Variants in TJP2 observed in about 807,000 individuals in gnomAD.
TJP2 encodes Friedreich ataxia region gene X104 (tight junction protein ZO-2).
TJP2 carries 91 observed loss-of-function variants against 133.1 expected under a neutral mutation model. The ratio of observed to expected loss-of-function variants is 0.68; its 90% CI spans 0.58 to 0.81. TJP2 has a LOEUF of 0.81. Ranked by LOEUF, TJP2 falls within the 40% of genes least tolerant of loss-of-function variation. The probability of loss-of-function intolerance (pLI) is 0.00; values close to 1 mark genes in which losing one functional copy is unlikely to be tolerated. For synonymous variants in TJP2, 592 were observed against 583.4 expected (o/e 1.01, Z -0.21); for missense variants, 1,541 against 1,565.6 (o/e 0.98, Z 0.26).
chr9:69,237,280 CAAG>C, intron 14 of TJP2, 144 bp downstream of exon 14: 1 of 1,015,452 alleles, frequency 9.8e-7, no homozygotes, highest in Non-Finnish European at 1.5e-6. Flanking sequence ...CAAATTCTAA[CAAG>C]GAGCATGATT....
At chr9:69,202,305 G>A (rs1034256739) in intron 1 of TJP2, among the ~76,000 whole-genome samples, 7 of 152,096 alleles carry the variant, frequency 4.6e-5, no homozygotes, top group African/African-American at 1.7e-4. Context: ...TCATGAGGTT[G>A]GAGCCCTCTT....
chr9:69,206,289 C>A (rs935773915), intron 1 of TJP2, among the ~76,000 whole-genome samples: 6 of 152,040 alleles, frequency 3.9e-5, no homozygotes, highest in African/African-American at 1.4e-4. Flanking sequence ...GCATACACCT[C>A]CCCCCACAAC....
At chr9:69,225,689 T>C (rs1829292245) in intron 6 of TJP2, among the ~76,000 whole-genome samples, 2 of 152,180 alleles carry the variant, frequency 1.3e-5, no homozygotes, top group South Asian at 4.1e-4. Context: ...TAAGGAAAGA[T>C]GAGAAGGAAA....
At chr9:69,177,072 T>C (rs1189362958) in intron 1 of TJP2, among the ~76,000 whole-genome samples, 1 of 152,206 alleles carries the variant, frequency 6.6e-6, no homozygotes, top group Non-Finnish European at 1.5e-5. Flanking sequence ...GCCTCATCTC[T>C]AGAACGAATC....
intron 9 of TJP2, 86 bp downstream of exon 9, chr9:69,228,200 T>A: frequency 6.6e-7 from 1 of 1,518,836 alleles, no homozygotes; most frequent in Non-Finnish European, 8.9e-7. Flanking sequence ...AATCATGTCC[T>A]TTGCAGCCAC....
At chr9:69,227,686 A>T in intron 7 of TJP2, 79 bp from the exon 8 acceptor site, 1 of 1,008,752 alleles carries the variant, frequency 9.9e-7, no homozygotes. Flanking sequence ...TTTCCTACCC[A>T]GAGAATAGTG....
chr9:69,141,230 G>C (rs1587895714), intron 1 of TJP2, among the ~76,000 whole-genome samples: 1 of 152,168 alleles, frequency 6.6e-6, no homozygotes, highest in African/African-American at 2.4e-5. Flanking sequence ...GTTTGGGAAG[G>C]GCAGTCAATT....
intron 17 of TJP2, among the ~76,000 whole-genome samples, chr9:69,244,499 G>A (rs1830792398): frequency 6.6e-6 from 1 of 152,138 alleles, no homozygotes; most frequent in Non-Finnish European, 1.5e-5. Flanking sequence ...CAGTGGCTGA[G>A]TCAGCATCCT....
chr9:69,211,806 A>C (rs1469370783), intron 1 of TJP2, among the ~76,000 whole-genome samples: 1 of 151,834 alleles, frequency 6.6e-6, no homozygotes, highest in African/African-American at 2.4e-5. Context: ...TAATAGATCC[A>C]CCCAGACCTG....
intron 4 of TJP2, among the ~76,000 whole-genome samples, chr9:69,220,164 A>C (rs1828705636): frequency 6.6e-6 from 1 of 152,126 alleles, no homozygotes; most frequent in Non-Finnish European, 1.5e-5. Context: ...TAAATAAATA[A>C]ATAAGGCATT....
At chr9:69,166,169 G>A (rs769806788) in intron 2 of TJP2, among the ~76,000 whole-genome samples, 1 of 152,142 alleles carries the variant, frequency 6.6e-6, no homozygotes, top group African/African-American at 2.4e-5. Flanking sequence ...CTGGAGTGCA[G>A]TGGTACGATC....
chr9:69,246,019 G>C (rs79674929), intron 17 of TJP2, among the ~76,000 whole-genome samples: 1 of 152,130 alleles, frequency 6.6e-6, no homozygotes, highest in African/African-American at 2.4e-5. Context: ...ACATCTAAAC[G>C]TGCAGGGTTT....
At chr9:69,153,321 G>T (rs961935869) in intron 2 of TJP2, among the ~76,000 whole-genome samples, 5 of 152,120 alleles carry the variant, frequency 3.3e-5, no homozygotes, top group African/African-American at 1.2e-4. Flanking sequence ...GGTGGCTCAT[G>T]CCTGTAATCC....
chr9:69,250,761 C>T lies in TJP2; in HGVS notation c.2992-274C>T, dbSNP rs375425086. On this transcript the variant is annotated intron_variant, in intron 20 of 22. Coordinates refer to ENST00000377245, the MANE Select transcript of TJP2 (RefSeq NM_004817.4). ...CCTCTAGAACAAAATTATTCCAGGT[C>T]TGATCTTACCTCCAGCAATCACAGC... Among the ~76,000 whole-genome samples the T allele has an allele frequency of 5.9e-5, 9 of 152,312 alleles. No homozygotes were observed. In the South Asian group the frequency reaches 1.9e-3, roughly 32 times the overall value.
At chr9:69,150,009 C>G (rs548807757) in intron 1 of TJP2, among the ~76,000 whole-genome samples, 1 of 151,886 alleles carries the variant, frequency 6.6e-6, no homozygotes, top group Admixed American at 6.6e-5. Flanking sequence ...AATTAGCCGG[C>G]CGTGGTGGCA....
chr9:69,140,472 C>T (rs572200424), intron 1 of TJP2, among the ~76,000 whole-genome samples: 29 of 152,254 alleles, frequency 1.9e-4, no homozygotes, highest in Admixed American at 1.8e-3. Context: ...GGTGTGTCAG[C>T]AGGTGCAGCG....
chr9:69,130,015 C>CAAAAAAA (rs11355311), intron 1 of TJP2, among the ~76,000 whole-genome samples: 2 of 94,168 alleles, frequency 2.1e-5, no homozygotes, highest in East Asian at 2.8e-4. Flanking sequence ...AACTCTGCCT[C>CAAAAAAA]AAAAAAAAAA....
intron 11 of TJP2, 127 bp downstream of exon 11, chr9:69,230,359 C>G: frequency 8.2e-7 from 1 of 1,212,398 alleles, no homozygotes; most frequent in Non-Finnish European, 1.2e-6. Flanking sequence ...TTTGTTGATG[C>G]CCAGCATTGA....
In TJP2 at chr9:69,227,808, G is replaced by T; in HGVS notation, c.1254G>T (p.Glu418Asp). The change falls in exon 8 of 23, where the codon GAG becomes GAT. Residue 418 changes from glutamate (E) to aspartate (D), a missense_variant. Glu to Asp is a conservative substitution (Grantham distance 45, BLOSUM62 2). Transcript: ENST00000377245. Reference sequence around the variant, plus strand: ...CAAACCGATCATTTTCTCCAGAGGAGAGACGTCATCAGTATTCTGATTATG... The same window carrying T: ...CAAACCGATCATTTTCTCCAGAGGATAGACGTCATCAGTATTCTGATTATG... ...IESNRSFSPE[E>D]RRHQYSDYDY... is the part of the protein sequence containing the mutation. 6.2e-7 allele frequency: 1 copy of T among 1,613,922 alleles called. No individual in the cohort carries two copies. Among genetic ancestry groups the T allele is most frequent in the South Asian group, 1.1e-5 (1 of 91,078 alleles).
Sources: gnomAD v4.1 joint callset for allele counts (sites outside exome capture counted in the v4.1 genomes callset) on GRCh38, gnomAD v4.1.1 for gene constraint, MANE v1.5 for transcripts, NCBI Gene and HGNC (gene_info 2026-07-23, HGNC 2026-07-21) for gene names.